The following CNTNAP2 variants were observed in gnomAD, a reference collection of about 807,000 sequenced individuals.
CNTNAP2 encodes contactin associated protein 2.
A neutral mutation model predicts 155.2 loss-of-function variants in CNTNAP2; 98 were observed. The ratio of observed to expected loss-of-function variants is 0.63; its 90% CI spans 0.54 to 0.75. CNTNAP2 has a LOEUF of 0.75. CNTNAP2 is among the 30% of genes least tolerant of loss of function. The pLI, the probability that CNTNAP2 is intolerant of heterozygous loss-of-function variation, is 0.00. For synonymous variants in CNTNAP2, 651 were observed against 631.2 expected, an observed-to-expected ratio of 1.03 and a Z score of -0.47; for missense variants, 1,727 against 1,688.1, an observed-to-expected ratio of 1.02 and a Z score of -0.40.
At chr7:147,704,445 G>A in intron 13 of CNTNAP2, 1 of 165,016 alleles carries the variant, frequency 6.1e-6, no homozygotes. Context: ...AAGGGTGGTT[G>A]GACAGCCAAA....
intron 1 of CNTNAP2, among the ~76,000 whole-genome samples, chr7:146,516,283 T>G (rs1323588176): frequency 4.6e-5 from 7 of 152,016 alleles, no homozygotes; most frequent in Non-Finnish European, 8.8e-5. Flanking sequence ...GTACAACCAT[T>G]GTAAGAAAGA....
chr7:148,152,803 G>A (rs1399057715), intron 17 of CNTNAP2, among the ~76,000 whole-genome samples: 5 of 152,012 alleles, frequency 3.3e-5, no homozygotes, highest in African/African-American at 4.8e-5. Flanking sequence ...GGGGGATCAC[G>A]AAGTCAGGAG....
intron 21 of CNTNAP2, among the ~76,000 whole-genome samples, chr7:148,302,486 A>G (rs995229661): frequency 2.6e-5 from 4 of 151,982 alleles, no homozygotes; most frequent in African/African-American, 9.7e-5. Flanking sequence ...TGTGTCCCCA[A>G]TATCCCCTAT....
intron 14 of CNTNAP2, among the ~76,000 whole-genome samples, chr7:147,943,947 T>C (rs1407803137): frequency 3.9e-4 from 60 of 151,990 alleles, no homozygotes; most frequent in Admixed American, 3.9e-3. Flanking sequence ...AAGTGGAAGG[T>C]ACTCTAGCTA....
At chr7:148,120,091 C>G (rs2116611674) in intron 16 of CNTNAP2, among the ~76,000 whole-genome samples, 1 of 150,582 alleles carries the variant, frequency 6.6e-6, no homozygotes, top group South Asian at 2.2e-4. Flanking sequence ...ATTGCCAGTT[C>G]TATATTTGAG....
intron 20 of CNTNAP2, among the ~76,000 whole-genome samples, chr7:148,266,024 G>A (rs1796661308): frequency 6.6e-6 from 1 of 152,128 alleles, no homozygotes; most frequent in Non-Finnish European, 1.5e-5. Flanking sequence ...CAAGGACTCT[G>A]GATCGTATCT....
At position 148,299,052 on chromosome 7, in the gene CNTNAP2, A is replaced by G. The variant is rs1052385239; in HGVS notation, c.3475+31926A>G. 4.0e-5 allele frequency among the ~76,000 whole-genome samples: 6 copies of G among 149,380 alleles called. No individual in the cohort carries two copies. The East Asian group carries it at 5.9e-4, about 15-fold the overall frequency. ...GTCGCCTAGGCTGGAGTGCAGTGGC[A>G]CGATCTCAGCTCACCACAATCTCTG... On this transcript the variant is annotated intron_variant, in intron 21 of 23. Transcript: ENST00000361727.
At chr7:147,623,844 A>C (rs1314501835) in intron 12 of CNTNAP2, among the ~76,000 whole-genome samples, 1 of 152,132 alleles carries the variant, frequency 6.6e-6, no homozygotes, top group Non-Finnish European at 1.5e-5. Context: ...TGGAGGAATC[A>C]CATTACCTAA....
At chr7:146,699,275 G>C (rs1208974403) in intron 1 of CNTNAP2, among the ~76,000 whole-genome samples, 3 of 152,162 alleles carry the variant, frequency 2.0e-5, no homozygotes, top group African/African-American at 7.2e-5. Context: ...ACTATTTGCT[G>C]TAGCTATATG....
chr7:147,761,099 A>AAGTTTATT (rs1554431569), intron 13 of CNTNAP2, among the ~76,000 whole-genome samples: 1 of 152,214 alleles, frequency 6.6e-6, no homozygotes, highest in Non-Finnish European at 1.5e-5. Flanking sequence ...CCAGTACCAG[A>AAGTTTATT]GAAAATCAAT....
At chr7:146,487,414 A>G (rs1201320587) in intron 1 of CNTNAP2, among the ~76,000 whole-genome samples, 1 of 152,246 alleles carries the variant, frequency 6.6e-6, no homozygotes, top group East Asian at 1.9e-4. Flanking sequence ...CGTAGTTGAC[A>G]AACTCTTCTT....
intron 3 of CNTNAP2, among the ~76,000 whole-genome samples, chr7:147,034,098 G>A (rs1335895954): frequency 5.9e-5 from 9 of 152,042 alleles, no homozygotes; most frequent in Admixed American, 2.0e-4. Flanking sequence ...AAAGGAGTGG[G>A]GACTTCCTGG....
intron 8 of CNTNAP2, among the ~76,000 whole-genome samples, chr7:147,242,988 T>TA (rs1803976085): frequency 2.3e-5 from 1 of 42,568 alleles, no homozygotes; most frequent in African/African-American, 1.0e-4. Flanking sequence ...ATGCTTTGCA[T>TA]TTTTTTTTTT....
intron 21 of CNTNAP2, among the ~76,000 whole-genome samples, chr7:148,345,864 T>G (rs112037052): frequency 2.6e-5 from 4 of 152,304 alleles, no homozygotes; most frequent in African/African-American, 7.2e-5. Flanking sequence ...TTTCTTGGTG[T>G]GACATTTGAT....
At chr7:147,097,586 C>T (rs1007755743) in intron 4 of CNTNAP2, 1 of 152,186 alleles carries the variant, frequency 6.6e-6, no homozygotes, top group Non-Finnish European at 1.5e-5. Flanking sequence ...CCCACTAGAA[C>T]AGTATGAGGG....
chr7:146,527,649 C>T (rs1248983153), intron 1 of CNTNAP2, among the ~76,000 whole-genome samples: 6 of 151,870 alleles, frequency 4.0e-5, no homozygotes, highest in African/African-American at 1.5e-4. Flanking sequence ...CTCTTGACAG[C>T]CTATGCATCA....
intron 1 of CNTNAP2, among the ~76,000 whole-genome samples, chr7:146,730,731 A>G (rs1177768364): frequency 6.6e-6 from 1 of 152,062 alleles, no homozygotes; most frequent in Non-Finnish European, 1.5e-5. Context: ...AACTCCTACT[A>G]TCTGTTTCAT....
intron 14 of CNTNAP2, among the ~76,000 whole-genome samples, chr7:147,973,552 A>C (rs984154086): frequency 1.3e-5 from 2 of 152,160 alleles, no homozygotes; most frequent in African/African-American, 2.4e-5. Context: ...TTTTTTGCTT[A>C]GTATGGTATA....
At chr7:148,160,795 A>G (rs1235180175) in intron 17 of CNTNAP2, among the ~76,000 whole-genome samples, 3 of 152,134 alleles carry the variant, frequency 2.0e-5, no homozygotes, top group African/African-American at 7.2e-5. Context: ...CTGTTTAAAC[A>G]CTTCATGAGT....
Sources: gnomAD v4.1 joint callset for allele counts (sites outside exome capture counted in the v4.1 genomes callset) on GRCh38, gnomAD v4.1.1 for gene constraint, MANE v1.5 for transcripts, NCBI Gene and HGNC (gene_info 2026-07-23, HGNC 2026-07-21) for gene names.